IGF1R: variants seen among roughly 807,000 people sequenced by gnomAD.
The protein encoded by IGF1R is insulin like growth factor 1 receptor.
IGF1R carries 44 observed loss-of-function variants against 144.6 expected under a neutral mutation model. That is an observed-to-expected ratio of 0.30 (90% CI 0.24 to 0.39). The LOEUF is 0.39. IGF1R is among the 10% of genes least tolerant of loss of function. IGF1R has a pLI of 1.00. For missense variants in IGF1R, 1,355 were observed against 1,833.7 expected (o/e 0.74, Z 4.77); for synonymous variants, 795 against 722.8 (o/e 1.10, Z -1.60).
At chr15:98,778,104 A>G (rs1293617467) in intron 2 of IGF1R, among the ~76,000 whole-genome samples, 10 of 152,178 alleles carry the variant, frequency 6.6e-5, no homozygotes, top group Non-Finnish European at 1.5e-4. Context: ...ATAGAACAGA[A>G]ATAGGTAATT....
chr15:98,894,550 G>A (rs2014083711), intron 3 of IGF1R, among the ~76,000 whole-genome samples: 1 of 152,188 alleles, frequency 6.6e-6, no homozygotes, highest in Non-Finnish European at 1.5e-5. Context: ...TATGCTCTGT[G>A]AAAAAGCCAA....
rs1001146786 is a variant in IGF1R, at chr15:98,782,025, G to T, written c.640+73918G>T. Among the ~76,000 whole-genome samples the T allele has an allele frequency of 8.5e-5, 13 of 152,136 alleles. No homozygotes were observed. In the South Asian group the frequency reaches 1.9e-3, roughly 22 times the overall value. The stretch of plus-strand genomic sequence containing the variant: ...TTGATTTTTTTTGAGATGGGGTCTT[G>T]CTGTGTTGCCCTGTCTGCTTGTGAA... On this transcript the variant is annotated intron_variant, in intron 2 of 20. Coordinates refer to ENST00000650285, the MANE Select transcript of IGF1R (RefSeq NM_000875.5).
At chr15:98,692,989 C>T (rs746525086) in intron 1 of IGF1R, among the ~76,000 whole-genome samples, 1 of 152,166 alleles carries the variant, frequency 6.6e-6, no homozygotes. Flanking sequence ...AAGGCTTTGT[C>T]CCATGTCCCT....
At position 98,774,650 on chromosome 15, in the gene IGF1R, G is replaced by A. The variant is rs535861990; in HGVS notation, c.640+66543G>A. Among the ~76,000 whole-genome samples the A allele has an allele frequency of 6.7e-5, 9 of 133,484 alleles. 2 individuals carry two copies. Among genetic ancestry groups the A allele is most frequent in the African/African-American group, 1.1e-4 (4 of 35,682 alleles). The allele number at this position is 133,484 out of a possible 152,430, so 87.6% of individuals were successfully genotyped here. A position where few individuals can be genotyped will look rare whatever the true frequency, so the allele number is the denominator to read the frequency against. On this transcript the variant is annotated intron_variant, in intron 2 of 20. Transcript: ENST00000650285. Reference sequence around the variant, plus strand: ...TTAGATGAGGTTCCCTGGAGTAGTCGCATTCAGAGACAGAAAACAGAATGA... The same window carrying A: ...TTAGATGAGGTTCCCTGGAGTAGTCACATTCAGAGACAGAAAACAGAATGA...
intron 2 of IGF1R, among the ~76,000 whole-genome samples, chr15:98,709,385 A>T (rs1000709768): frequency 1.3e-5 from 2 of 152,178 alleles, no homozygotes; most frequent in East Asian, 3.9e-4. Flanking sequence ...GTATGTGAAC[A>T]TTGATTAGTG....
intron 13 of IGF1R, among the ~76,000 whole-genome samples, chr15:98,925,690 G>T (rs1322212585): frequency 6.6e-6 from 1 of 152,242 alleles, no homozygotes; most frequent in East Asian, 1.9e-4. Context: ...ATCTCTTGAG[G>T]TCAGGAGTTT....
intron 2 of IGF1R, among the ~76,000 whole-genome samples, chr15:98,884,097 G>T (rs2013518155): frequency 6.6e-6 from 1 of 152,098 alleles, no homozygotes. Context: ...TTAAAGGAAT[G>T]GGGGTATTCT....
At chr15:98,668,513 T>C (rs1187298165) in intron 1 of IGF1R, among the ~76,000 whole-genome samples, 5 of 152,222 alleles carry the variant, frequency 3.3e-5, no homozygotes, top group Non-Finnish European at 7.3e-5. Context: ...CTGAAATGTG[T>C]AGTGCACCTT....
chr15:98,912,907 C>T, intron 7 of IGF1R, 137 bp from the exon 8 acceptor site: 1 of 675,996 alleles, frequency 1.5e-6, no homozygotes, highest in South Asian at 1.6e-5. Context: ...ATTTCTTCTT[C>T]TATAAAAGTC....
chr15:98,691,805 C>G (rs535270721), intron 1 of IGF1R, among the ~76,000 whole-genome samples: 1 of 152,262 alleles, frequency 6.6e-6, no homozygotes, highest in Admixed American at 6.5e-5. Context: ...GCAGTGTATG[C>G]GTGGGGACAT....
At chr15:98,779,124 T>C (rs1488247547) in intron 2 of IGF1R, among the ~76,000 whole-genome samples, 1 of 152,228 alleles carries the variant, frequency 6.6e-6, no homozygotes, top group Non-Finnish European at 1.5e-5. Flanking sequence ...ATCAATTCAG[T>C]GTTCAGTACA....
intron 1 of IGF1R, among the ~76,000 whole-genome samples, chr15:98,665,384 G>T (rs1440061861): frequency 6.6e-6 from 1 of 152,152 alleles, no homozygotes; most frequent in Non-Finnish European, 1.5e-5. Context: ...TCCTCCTCCA[G>T]TAAGTGGGTC....
intron 2 of IGF1R, among the ~76,000 whole-genome samples, chr15:98,848,783 A>G (rs905464636): frequency 2.0e-5 from 3 of 152,262 alleles, no homozygotes; most frequent in African/African-American, 7.2e-5. Flanking sequence ...TCTGCCAGAA[A>G]TAACATACAA....
chr15:98,784,662 A>G (rs754775317), intron 2 of IGF1R, among the ~76,000 whole-genome samples: 1 of 152,138 alleles, frequency 6.6e-6, no homozygotes, highest in African/African-American at 2.4e-5. Context: ...CTTCAGTTCT[A>G]CATCTGCGGA....
At chr15:98,784,878 C>G (rs2055953171) in intron 2 of IGF1R, among the ~76,000 whole-genome samples, 1 of 152,140 alleles carries the variant, frequency 6.6e-6, no homozygotes, top group Non-Finnish European at 1.5e-5. Context: ...ATTGCAGAGA[C>G]TTGAGCATCC....
chr15:98,866,220 C>G (rs1192852050), intron 2 of IGF1R, among the ~76,000 whole-genome samples: 1 of 152,156 alleles, frequency 6.6e-6, no homozygotes, highest in Non-Finnish European at 1.5e-5. Context: ...CACAGGAAGA[C>G]GCCTCTGTCT....
intron 2 of IGF1R, among the ~76,000 whole-genome samples, chr15:98,882,313 C>T (rs1375884768): frequency 6.6e-6 from 1 of 152,186 alleles, no homozygotes; most frequent in Non-Finnish European, 1.5e-5. Flanking sequence ...TACAGGAAAG[C>T]GCATTTTTAA....
rs201082565 is a variant in IGF1R at position 98,814,340 on chromosome 15, T to TTGGA, written c.641-76963_641-76960dup. On this transcript the variant is annotated intron_variant, in intron 2 of 20. Coordinates refer to ENST00000650285, the MANE Select transcript of IGF1R (RefSeq NM_000875.5). Reference sequence around the variant, plus strand: ...ACTGCTTTCGGTGCCCTTATATGATTTGGATGGATGGATGGATGGATGGAT... The same window carrying TTGGA: ...ACTGCTTTCGGTGCCCTTATATGATTTGGATGGATGGATGGATGGATGGATGGAT... Among the ~76,000 whole-genome samples, 293 of 152,070 alleles carry TTGGA rather than the reference T, an allele frequency of 1.9e-3. 2 individuals are homozygous for TTGGA. In the East Asian group the frequency reaches 0.027, roughly 14 times the overall value.
intron 20 of IGF1R, among the ~76,000 whole-genome samples, chr15:98,954,754 C>T (rs1005012745): frequency 6.6e-6 from 1 of 152,186 alleles, no homozygotes; most frequent in Non-Finnish European, 1.5e-5. Context: ...CCAGGCATTT[C>T]ATGTCGTTAT....
Sources: gnomAD v4.1 joint callset for allele counts (sites outside exome capture counted in the v4.1 genomes callset) on GRCh38, gnomAD v4.1.1 for gene constraint, MANE v1.5 for transcripts, NCBI Gene and HGNC (gene_info 2026-07-23, HGNC 2026-07-21) for gene names.